AJAP1: variants seen among roughly 807,000 people sequenced by gnomAD.
AJAP1 encodes the protein adherens junction-associated protein 1.
AJAP1 carries 5 observed loss-of-function variants against 35.0 expected under a neutral mutation model. The observed-to-expected ratio is 0.14, with a 90% CI of 0.07 to 0.30. AJAP1 has a LOEUF of 0.30. Among genes scored for constraint, AJAP1 ranks in the 10% least tolerant of loss-of-function variants. AJAP1 has a pLI of 1.00. For missense variants in AJAP1, 586 were observed against 571.0 expected, an observed-to-expected ratio of 1.03 and a Z score of -0.27; for synonymous variants, 284 against 249.3, an observed-to-expected ratio of 1.14 and a Z score of -1.31.
intron 1 of AJAP1, among the ~76,000 whole-genome samples, chr1:4,688,991 A>G (rs1420623390): frequency 6.6e-6 from 1 of 152,010 alleles, no homozygotes; most frequent in Admixed American, 6.6e-5. Context: ...AGTACCCACC[A>G]GTGGGAAGAA....
intron 5 of AJAP1, among the ~76,000 whole-genome samples, chr1:4,776,466 A>G (rs1422328607): frequency 6.6e-6 from 1 of 152,206 alleles, no homozygotes; most frequent in Non-Finnish European, 1.5e-5. Context: ...TGGCTCCGGG[A>G]CATCCCCTGC....
intron 1 of AJAP1, among the ~76,000 whole-genome samples, chr1:4,676,180 T>G (rs1026176018): frequency 6.6e-6 from 1 of 152,170 alleles, no homozygotes; most frequent in Admixed American, 6.5e-5. Flanking sequence ...CGGCCTTGCC[T>G]CCTCGTGTCA....
intron 1 of AJAP1, among the ~76,000 whole-genome samples, chr1:4,698,950 C>T (rs542266572): frequency 2.0e-5 from 3 of 152,190 alleles, no homozygotes; most frequent in Non-Finnish European, 4.4e-5. Context: ...GGTCCTAGGT[C>T]CTGGCCTCTG....
chr1:4,736,766 C>T (rs1434462715), intron 2 of AJAP1, among the ~76,000 whole-genome samples: 1 of 152,206 alleles, frequency 6.6e-6, no homozygotes, highest in Non-Finnish European at 1.5e-5. Context: ...GTAGCTCAAA[C>T]CCCTAGTTAT....
intron 2 of AJAP1, among the ~76,000 whole-genome samples, chr1:4,758,564 A>G (rs1362549857): frequency 6.6e-6 from 1 of 152,198 alleles, no homozygotes; most frequent in African/African-American, 2.4e-5. Flanking sequence ...ACTCACTACC[A>G]TGAGAACAGC....
chr1:4,775,909 A>G (rs1407479241), intron 5 of AJAP1, among the ~76,000 whole-genome samples: 2 of 152,188 alleles, frequency 1.3e-5, no homozygotes, highest in African/African-American at 2.4e-5. Context: ...TGGAGTGCCA[A>G]CCAAGCTAGC....
At position 4,782,793 on chromosome 1, in the gene AJAP1, G is replaced by T; in HGVS notation, c.*308G>T. The T allele has an allele frequency of 2.5e-6, 1 of 398,638 alleles. No individual in the cohort carries two copies. Among genetic ancestry groups the T allele is most frequent in the Non-Finnish European group, 4.4e-6 (1 of 226,088 alleles). 24.7% of individuals were successfully genotyped at this position (398,638 alleles called of 1,614,324 possible). A position where few individuals can be genotyped will look rare whatever the true frequency, so the allele number is the denominator to read the frequency against. Reference sequence around the variant, plus strand: ...AAGAAAGGAAAGAAAGGAACCAGAGGCAGAGAGACGAGGATACCCAGCGAA... The same window carrying T: ...AAGAAAGGAAAGAAAGGAACCAGAGTCAGAGAGACGAGGATACCCAGCGAA... On this transcript the variant is annotated 3_prime_UTR_variant, in exon 6 of 6. Transcript: ENST00000378191. This position sits in a 1 kb window ranked among gnomAD's most constrained non-coding sequence, Gnocchi z 5.3.
chr1:4,739,888 G>A (rs1277118665), intron 2 of AJAP1, among the ~76,000 whole-genome samples: 1 of 152,160 alleles, frequency 6.6e-6, no homozygotes, highest in Admixed American at 6.5e-5. Context: ...CTGATAAGGG[G>A]CAGAGCCCAC....
In AJAP1 at chr1:4,783,946, C is replaced by T. The variant is rs765772349; in HGVS notation, c.*1461C>T. 4.6e-5 allele frequency: 7 copies of T among 152,292 alleles called. No individual in the cohort carries two copies. The highest frequency in any genetic ancestry group is 1.3e-4 in the Admixed American group (2 of 15,306). 9.4% of individuals were successfully genotyped at this position (152,292 alleles called of 1,614,324 possible). On this transcript the variant is annotated 3_prime_UTR_variant, in exon 6 of 6. Transcript: ENST00000378191. ...GCCTGTGCTGCATTGCCTTCCCTTGCGCAGGTGGGCAGGTGTGGCCCGCTT... is the reference window on the plus strand; with the variant it reads ...GCCTGTGCTGCATTGCCTTCCCTTGTGCAGGTGGGCAGGTGTGGCCCGCTT...
At chr1:4,758,574 C>G (rs1641491414) in intron 2 of AJAP1, among the ~76,000 whole-genome samples, 1 of 152,260 alleles carries the variant, frequency 6.6e-6, no homozygotes, top group Admixed American at 6.5e-5. Flanking sequence ...ATGAGAACAG[C>G]AAGGGGGAAA....
chr1:4,700,106 C>T (rs148180901), intron 1 of AJAP1, among the ~76,000 whole-genome samples: 46 of 152,290 alleles, frequency 3.0e-4, no homozygotes, highest in Non-Finnish European at 5.7e-4. Flanking sequence ...CCCCGAGCTC[C>T]GGAAGGGGCC....
chr1:4,739,964 C>T, intron 2 of AJAP1, among the ~76,000 whole-genome samples: 1 of 152,168 alleles, frequency 6.6e-6, no homozygotes, highest in South Asian at 2.1e-4. Context: ...GTGGCCACTC[C>T]CCGTCCAGCT....
At chr1:4,713,132 A>G (rs1351103735) in intron 2 of AJAP1, among the ~76,000 whole-genome samples, 2 of 152,184 alleles carry the variant, frequency 1.3e-5, no homozygotes, top group Admixed American at 6.5e-5. Context: ...AGAGTCTTCA[A>G]AAGCCTTCAA....
At chr1:4,781,870 G>A (rs1011895810) in intron 5 of AJAP1, among the ~76,000 whole-genome samples, 6 of 152,160 alleles carry the variant, frequency 3.9e-5, no homozygotes, top group African/African-American at 1.4e-4. Flanking sequence ...CGGGCTGGCT[G>A]GGTGGGAGCC....
chr1:4,716,682 AATGGTGGTGATG>A (rs147699648), intron 2 of AJAP1, among the ~76,000 whole-genome samples: 5 of 150,870 alleles, frequency 3.3e-5, no homozygotes. Context: ...TAATGGTGGA[AATGGTGGTGATG>A]ATGGTGGTGA....
intron 2 of AJAP1, among the ~76,000 whole-genome samples, chr1:4,748,308 G>T (rs1641239285): frequency 6.6e-6 from 1 of 152,200 alleles, no homozygotes; most frequent in Non-Finnish European, 1.5e-5. Context: ...TGCTGGGTGT[G>T]TTACATGCAT....
At chr1:4,762,591 C>T (rs762866690) in intron 2 of AJAP1, among the ~76,000 whole-genome samples, 3 of 152,232 alleles carry the variant, frequency 2.0e-5, no homozygotes, top group Non-Finnish European at 2.9e-5. Flanking sequence ...TGCAAGATGA[C>T]ATCCGGAAGT....
At chr1:4,716,374 G>A (rs926741537) in intron 2 of AJAP1, among the ~76,000 whole-genome samples, 6 of 152,206 alleles carry the variant, frequency 3.9e-5, no homozygotes, top group Non-Finnish European at 8.8e-5. Context: ...GGGTATGATA[G>A]AGTTAACCAT....
intron 1 of AJAP1, among the ~76,000 whole-genome samples, chr1:4,672,187 C>T (rs540756048): frequency 4.6e-4 from 70 of 152,318 alleles, no homozygotes; most frequent in African/African-American, 1.5e-3. Flanking sequence ...TCGGGAGTCA[C>T]TTGGGCCCTG....
Sources: allele counts gnomAD v4.1 joint callset (sites outside exome capture counted in the v4.1 genomes callset), GRCh38; gene constraint gnomAD v4.1.1; non-coding constraint Gnocchi (gnomAD v3.1); transcripts MANE v1.5; gene names NCBI Gene and HGNC (gene_info 2026-07-23, HGNC 2026-07-21).